RBKS: variants seen among roughly 807,000 people sequenced by gnomAD.
RBKS encodes the protein ribokinase.
In RBKS, 33 loss-of-function variants were observed where a neutral mutation model predicts 33.9. The ratio of observed to expected loss-of-function variants is 0.97; its 90% confidence interval spans 0.74 to 1.30. The LOEUF (loss-of-function observed/expected upper bound fraction) is 1.30, where lower values mean the gene tolerates loss of function less well. Ranked by LOEUF, RBKS falls within the 50% of genes most tolerant of loss-of-function variation. The pLI is 0.00. For missense variants in RBKS, 361 were observed against 392.6 expected (o/e 0.92, Z 0.68); for synonymous variants, 125 against 143.0 (o/e 0.87, Z 0.90).
intron 7 of RBKS, among the ~76,000 whole-genome samples, chr2:27,804,835 A>G (rs1449837459): frequency 6.6e-6 from 1 of 152,148 alleles, no homozygotes; most frequent in Non-Finnish European, 1.5e-5. Flanking sequence ...GCTTGAGCTC[A>G]GGAAGATGGC....
In RBKS at chr2:27,858,455, G is replaced by A. The variant is rs376089289; in HGVS notation, c.206C>T (p.Thr69Met). 4 of 1,613,476 alleles carry A rather than the reference G, an allele frequency of 2.5e-6. No individual in the cohort carries two copies. The highest frequency in any genetic ancestry group is 1.3e-5 in the African/African-American group (1 of 74,844). ...TGTACTTACCTTACACACCATGGAC[G>A]TCATTGCTCCAAGCCGAGCAGCTTG... ...CVQAARLGAMTSMVCKVGKDS... is the reference protein window; with the variant it reads ...CVQAARLGAMMSMVCKVGKDS... The change falls in exon 2 of 8, where the codon ACG (threonine) becomes ATG (methionine). Residue 69 changes from threonine to methionine, a missense_variant. Coordinates refer to ENST00000302188, the MANE Select transcript of RBKS (RefSeq NM_022128.3).
rs185996403 is a variant in RBKS, at chr2:27,846,889, A to G, written c.349+153T>C. On this transcript the variant is annotated intron_variant, in intron 4 of 7. Coordinates refer to ENST00000302188, the MANE Select transcript of RBKS (RefSeq NM_022128.3). ...GAGAAGTATAAATAAAGGGAAACAC[A>G]TTTATATTTGGATTGGAAAAACTAT... Among the ~76,000 whole-genome samples, 11 of 152,276 alleles carry G rather than the reference A, an allele frequency of 7.2e-5. No homozygotes were observed. In the East Asian group the frequency reaches 1.5e-3, roughly 21 times the overall value.
chr2:27,841,541 A>G (rs1221293013), intron 5 of RBKS, among the ~76,000 whole-genome samples: 1 of 152,212 alleles, frequency 6.6e-6, no homozygotes, highest in Non-Finnish European at 1.5e-5. Flanking sequence ...TCTTTCTGAC[A>G]GCTTCATGTC....
intron 1 of RBKS, among the ~76,000 whole-genome samples, chr2:27,865,058 C>T (rs1403803874): frequency 1.3e-5 from 2 of 152,294 alleles, no homozygotes; most frequent in African/African-American, 4.8e-5. Context: ...CGACGGCTCA[C>T]GCCTGTAATC....
chr2:27,881,318 A>G (rs1302028927), intron 1 of RBKS, among the ~76,000 whole-genome samples: 1 of 152,044 alleles, frequency 6.6e-6, no homozygotes, highest in African/African-American at 2.4e-5. Context: ...AGACTGGCAA[A>G]TCACCCGAGG....
intron 7 of RBKS, among the ~76,000 whole-genome samples, chr2:27,786,911 G>C (rs1677416443): frequency 6.6e-6 from 1 of 152,228 alleles, no homozygotes; most frequent in Non-Finnish European, 1.5e-5. Flanking sequence ...AACTGTGTGT[G>C]CTGGAAGCAT....
intron 4 of RBKS, among the ~76,000 whole-genome samples, chr2:27,846,123 C>G (rs1035076869): frequency 1.3e-5 from 2 of 152,126 alleles, no homozygotes; most frequent in Admixed American, 6.5e-5. Flanking sequence ...TGCCACCAGG[C>G]CTGGCTAATT....
At chr2:27,805,677 C>T (rs145968394) in intron 7 of RBKS, among the ~76,000 whole-genome samples, 1,515 of 151,234 alleles carry the variant, frequency 0.01, 33 homozygotes, top group African/African-American at 0.034. Context: ...CGGGTTCAAG[C>T]GATTCTCCTG....
rs116204320 is a variant in RBKS at position 27,830,992 on chromosome 2, A to G, written c.606+1694T>C. Among the ~76,000 whole-genome samples, 360 of 152,314 alleles carry G rather than the reference A, an allele frequency of 2.4e-3. 1 individual carries two copies. Among genetic ancestry groups the G allele is most frequent in the African/African-American group, 8.3e-3 (345 of 41,550 alleles). On this transcript the variant is annotated intron_variant, in intron 6 of 7. Coordinates refer to ENST00000302188, the MANE Select transcript of RBKS (RefSeq NM_022128.3). ...GAGGCCATGTTTACATGTTCTGGCC[A>G]ACAACCTCATTATGCCCCCAGCTGA...
intron 1 of RBKS, among the ~76,000 whole-genome samples, chr2:27,867,764 C>T (rs1409907672): frequency 1.3e-5 from 2 of 151,976 alleles, no homozygotes; most frequent in Non-Finnish European, 2.9e-5. Flanking sequence ...TTGCAAGAGG[C>T]AAGGGCAGGC....
chr2:27,866,903 A>C (rs960624512), intron 1 of RBKS, among the ~76,000 whole-genome samples: 12 of 152,124 alleles, frequency 7.9e-5, no homozygotes, highest in Admixed American at 3.9e-4. Flanking sequence ...CAAGAGTTTG[A>C]GACCAGCCTG....
intron 4 of RBKS, among the ~76,000 whole-genome samples, chr2:27,846,654 T>A (rs1233581481): frequency 6.6e-6 from 1 of 152,210 alleles, no homozygotes; most frequent in Non-Finnish European, 1.5e-5. Flanking sequence ...CTCATCAAAC[T>A]TTTCTTTGCA....
In RBKS at chr2:27,871,573, A is replaced by G. The variant is rs144709376; in HGVS notation, c.90-13002T>C. On this transcript the variant is annotated intron_variant, in intron 1 of 7. Transcript: ENST00000302188. ...TTACTAATTTGGCTAGGATTAGCTCATGGGCTTACCAAAACTGTGACTGAG... is the reference window on the plus strand; with the variant it reads ...TTACTAATTTGGCTAGGATTAGCTCGTGGGCTTACCAAAACTGTGACTGAG... Among the ~76,000 whole-genome samples, 626 of 152,300 alleles carry G rather than the reference A, an allele frequency of 4.1e-3. 1 individual carries two copies. Among genetic ancestry groups the G allele is most frequent in the Non-Finnish European group, 7.0e-3 (473 of 68,022 alleles).
chr2:27,805,572 A>AC (rs891617312), intron 7 of RBKS, among the ~76,000 whole-genome samples: 12 of 151,928 alleles, frequency 7.9e-5, no homozygotes, highest in Non-Finnish European at 1.2e-4. Flanking sequence ...TTTCTTTTGT[A>AC]TTTTTTATTT....
chr2:27,842,577 T>C (rs1288295285), intron 5 of RBKS, among the ~76,000 whole-genome samples: 1 of 152,174 alleles, frequency 6.6e-6, no homozygotes, highest in Non-Finnish European at 1.5e-5. Context: ...ATGTATGACA[T>C]GCAGCTTAAC....
chr2:27,783,197 C>CT (rs1306839456), intron 7 of RBKS, among the ~76,000 whole-genome samples: 1 of 152,026 alleles, frequency 6.6e-6, no homozygotes, highest in Non-Finnish European at 1.5e-5. Context: ...AATCCCAGCA[C>CT]TTTGGGAGGA....
intron 7 of RBKS, among the ~76,000 whole-genome samples, chr2:27,783,219 G>T (rs962475326): frequency 6.6e-6 from 1 of 152,030 alleles, no homozygotes; most frequent in Non-Finnish European, 1.5e-5. Flanking sequence ...GAGGTGGGCA[G>T]ATGGCTTGAG....
intron 4 of RBKS, among the ~76,000 whole-genome samples, chr2:27,845,716 G>A (rs779982326): frequency 1.3e-5 from 2 of 152,106 alleles, no homozygotes; most frequent in Non-Finnish European, 2.9e-5. Flanking sequence ...CACTAAAGCC[G>A]AGTTAAAAAT....
chr2:27,889,532 A>G (rs775585505), intron 1 of RBKS, among the ~76,000 whole-genome samples: 1 of 152,058 alleles, frequency 6.6e-6, no homozygotes, highest in Admixed American at 6.6e-5. Context: ...ACCTTAATTT[A>G]AAAAAAAGAA....
Sources: allele counts gnomAD v4.1 joint callset (sites outside exome capture counted in the v4.1 genomes callset), GRCh38; gene constraint gnomAD v4.1.1; transcripts MANE v1.5; gene names NCBI Gene and HGNC (gene_info 2026-07-23, HGNC 2026-07-21).